The following TACO1 variants were observed in gnomAD, a reference collection of about 807,000 sequenced individuals.
The protein encoded by TACO1 is translational activator of cytochrome c oxidase 1.
In TACO1, 13 loss-of-function variants were observed where a neutral mutation model predicts 24.0. That is an observed-to-expected ratio of 0.54 (90% confidence interval 0.35 to 0.86). The LOEUF (loss-of-function observed/expected upper bound fraction) is 0.86. Among genes scored for constraint, TACO1 ranks in the 40% least tolerant of loss-of-function variants. TACO1 has a pLI of 0.01. For missense variants in TACO1, 352 were observed against 380.1 expected, an observed-to-expected ratio of 0.93 and a Z score of 0.61; for synonymous variants, 149 against 153.5, an observed-to-expected ratio of 0.97 and a Z score of 0.22.
rs1379951031 is a variant in TACO1 at position 63,607,308 on chromosome 17, T to G, written c.537T>G (p.Ala179=). ...TCAGAGGAGTGATGGCTGTAGGAGC[T>G]CGTCACTCTTTTGACAAAAAGGGGG... ...NKNGGVMAVG[A]RHSFDKKGVI... is the part of the protein sequence containing the mutation. The change falls in exon 4 of 5, where the codon GCT becomes GCG. Residue 179 remains alanine, a synonymous_variant. Transcript: ENST00000258975. The G allele has an allele frequency of 1.9e-6, 3 of 1,613,850 alleles. No homozygotes were observed. The East Asian group carries it at 6.7e-5, about 36-fold the overall frequency.
rs773838513 is a variant in TACO1 at position 63,604,590 on chromosome 17, C to A, written c.337C>A (p.Arg113Ser). ...CCTGGCCAATATCTTAGAGGTGTGT[C>A]GCAGCAAACATATGCCCAAGTCAAC... The part of the protein sequence containing the change: ...SNLANILEVC[R>S]SKHMPKSTIE... The change falls in exon 2 of 5, where the codon CGC (arginine) becomes AGC (serine). Residue 113 changes from arginine to serine, a missense_variant. Physicochemically the swap from Arg to Ser is moderately radical, Grantham distance 110. Coordinates refer to ENST00000258975, the MANE Select transcript of TACO1 (RefSeq NM_016360.4). 6.2e-7 allele frequency: 1 copy of A among 1,613,924 alleles called. No individual in the cohort carries two copies. The highest frequency in any genetic ancestry group is 1.3e-5 in the African/African-American group (1 of 74,860).
At position 63,605,419 on chromosome 17, in the gene TACO1, T is replaced by C. The variant is rs9900641; in HGVS notation, c.387+779T>C. On this transcript the variant is annotated intron_variant, in intron 2 of 4. Transcript: ENST00000258975. ...GGAGGCTCTGAGGAAGTAATAGTTA[T>C]CTTAATAGCTCAAAATTATTGAGTG... 4.7e-3 allele frequency among the ~76,000 whole-genome samples: 712 copies of C among 152,240 alleles called. 12 individuals are homozygous for C. The highest frequency in any genetic ancestry group is 0.015 in the African/African-American group (639 of 41,524).
At position 63,604,611 on chromosome 17, in the gene TACO1, T is replaced by A; in HGVS notation, c.358T>A (p.Ser120Thr). 6.2e-7 allele frequency: 1 copy of A among 1,614,066 alleles called. No individual in the cohort carries two copies. The highest frequency in any genetic ancestry group is 8.5e-7 in the Non-Finnish European group (1 of 1,179,996). Residue 120 changes from serine to threonine, a missense_variant, in exon 2 of 5, where the codon TCA becomes ACA. Coordinates refer to ENST00000258975, the MANE Select transcript of TACO1 (RefSeq NM_016360.4). ...EVCRSKHMPK[S>T]TIETALKMEK... The stretch of plus-strand genomic sequence containing the variant: ...GTGTCGCAGCAAACATATGCCCAAG[T>A]CAACGATTGAGACAGCACTGAAAAT...
intron 3 of TACO1, 128 bp downstream of exon 3, chr17:63,606,568 G>A (rs2033864036): frequency 1.7e-5 from 20 of 1,201,796 alleles, no homozygotes; most frequent in Middle Eastern, 2.0e-4. Flanking sequence ...TTTTTGAGAC[G>A]GAGTCTCACT....
At chr17:63,605,014 A>C (rs1193520551) in intron 2 of TACO1, among the ~76,000 whole-genome samples, 8 of 139,602 alleles carry the variant, frequency 5.7e-5, no homozygotes, top group Admixed American at 5.7e-4. Context: ...ACTCTGTCTC[A>C]AAAAAAAAAA....
chr17:63,602,090 C>CAAAAAA (rs11288092), intron 1 of TACO1, among the ~76,000 whole-genome samples: 13 of 84,180 alleles, frequency 1.5e-4, no homozygotes, highest in South Asian at 4.3e-4. Context: ...CTAAAAATAA[C>CAAAAAA]AAAAAAAAAA....
At position 63,601,435 on chromosome 17, in the gene TACO1, G is replaced by A; in HGVS notation, c.280+72G>A. 3.2e-6 allele frequency: 5 copies of A among 1,542,086 alleles called. No individual in the cohort carries two copies. The Admixed American group carries it at 5.3e-5, about 16-fold the overall frequency. ...GTGCCCGCAGCCTCGCTTGCCTCTC[G>A]GAATTGGGCCCACCTAGATCTCCGG... On this transcript the variant is annotated intron_variant, in intron 1 of 4. Transcript: ENST00000258975.
intron 1 of TACO1, among the ~76,000 whole-genome samples, chr17:63,601,918 A>G (rs1011641223): frequency 1.3e-5 from 2 of 151,898 alleles, no homozygotes; most frequent in African/African-American, 4.8e-5. Context: ...TTTTCTGTTT[A>G]GGGCCAGACA....
Position 63,600,926 on chromosome 17 carries a change from C to A in TACO1, c.-158C>A. Reference sequence around the variant, plus strand: ...GGGTGCCGCGGGGACAGTGTAGGGTCATTAGCTGTTGAGCCGCCCCGGGCG... The same window carrying A: ...GGGTGCCGCGGGGACAGTGTAGGGTAATTAGCTGTTGAGCCGCCCCGGGCG... On this transcript the variant is annotated 5_prime_UTR_variant, in exon 1 of 5. Transcript: ENST00000258975. 1 of 762,982 alleles carries A rather than the reference C, an allele frequency of 1.3e-6. No individual in the cohort carries two copies. The highest frequency in any genetic ancestry group is 2.1e-6 in the Non-Finnish European group (1 of 468,718). 47.3% of individuals were successfully genotyped at this position (762,982 alleles called of 1,614,324 possible).
In TACO1 at chr17:63,603,431, C is replaced by G. The variant is rs183725032; in HGVS notation, c.281-1103C>G. 1.9e-4 allele frequency among the ~76,000 whole-genome samples: 29 copies of G among 152,220 alleles called. No individual in the cohort carries two copies. The East Asian group carries it at 5.6e-3, about 29-fold the overall frequency. ...AATGAATTAGAAAGTTCTGGCCAGG[C>G]ACGGTGCCTCATGCCTGTAACCCCA... On this transcript the variant is annotated intron_variant, in intron 1 of 4. Coordinates refer to ENST00000258975, the MANE Select transcript of TACO1 (RefSeq NM_016360.4).
In TACO1 at chr17:63,608,058, A is replaced by G. The variant is rs2033877640; in HGVS notation, c.*56A>G. 6.3e-7 allele frequency: 1 copy of G among 1,587,810 alleles called. No individual in the cohort carries two copies. Among genetic ancestry groups the G allele is most frequent in the South Asian group, 1.1e-5 (1 of 90,022 alleles). ...TAGAAATGTGGCAGCCCATTCCAGC[A>G]CACAGGCTTCTGCAGCAATCTCTGA... On this transcript the variant is annotated 3_prime_UTR_variant, in exon 5 of 5. Coordinates refer to ENST00000258975, the MANE Select transcript of TACO1 (RefSeq NM_016360.4).
chr17:63,601,393 C>T (rs1218270401), intron 1 of TACO1, 30 bp downstream of exon 1: 8 of 1,608,064 alleles, frequency 5.0e-6, no homozygotes, highest in Non-Finnish European at 5.1e-6. Flanking sequence ...CCAGCACTGG[C>T]TGCCGCTGCC....
Position 63,601,295 on chromosome 17 carries a change from G to C in TACO1, c.212G>C (p.Gly71Ala), listed in dbSNP as rs886053233. 1.2e-6 allele frequency: 2 copies of C among 1,613,028 alleles called. No individual in the cohort carries two copies. Among genetic ancestry groups the C allele is most frequent in the East Asian group, 4.5e-5 (2 of 44,868 alleles). Residue 71 changes from glycine to alanine, a missense_variant, in exon 1 of 5, where the codon GGT becomes GCT. Physicochemically the swap from Gly to Ala is moderately conservative, Grantham distance 60 (BLOSUM62 0). Transcript: ENST00000258975. The stretch of plus-strand genomic sequence containing the variant: ...TGGTCCAAAGTCAGGCACATCAAGG[G>C]TCCGAAGGACGTCGAAAGGAGTCGC... ...NKWSKVRHIK[G>A]PKDVERSRIF...
chr17:63,606,723 T>G (rs1480726524), intron 3 of TACO1: 2 of 434,250 alleles, frequency 4.6e-6, no homozygotes, highest in Non-Finnish European at 8.6e-6. Flanking sequence ...TTTTTGTATT[T>G]TTAGTAGAGG....
chr17:63,607,651 A>T (rs2033873234), intron 4 of TACO1, 151 bp from the exon 5 acceptor site: 1 of 951,356 alleles, frequency 1.1e-6, no homozygotes, highest in Non-Finnish European at 1.6e-6. Flanking sequence ...AGAAAGAAAG[A>T]GTCAAAACAT....
At chr17:63,602,369 G>A (rs1356477487) in intron 1 of TACO1, among the ~76,000 whole-genome samples, 1 of 151,782 alleles carries the variant, frequency 6.6e-6, no homozygotes, top group East Asian at 1.9e-4. Context: ...GAGTTTCTCT[G>A]AAACAAGGAT....
At chr17:63,601,478 C>T (rs2147786300) in intron 1 of TACO1, 115 bp downstream of exon 1, 2 of 1,183,210 alleles carry the variant, frequency 1.7e-6, no homozygotes, top group East Asian at 2.5e-5. Context: ...CTTTGTTTTC[C>T]TTCCCCAGTA....
At chr17:63,607,513 T>C (rs1326002928) in intron 4 of TACO1, 49 bp downstream of exon 4, 1 of 1,592,522 alleles carries the variant, frequency 6.3e-7, no homozygotes, top group Admixed American at 1.7e-5. Flanking sequence ...AGGACCCTGA[T>C]AGATGCCTTA....
In TACO1 at chr17:63,606,447, G is replaced by C. The variant is rs372315876; in HGVS notation, c.515+7G>C. 1 of 1,614,144 alleles carries C rather than the reference G, an allele frequency of 6.2e-7. No individual in the cohort carries two copies. The highest frequency in any genetic ancestry group is 2.2e-5 in the East Asian group (1 of 44,888). On this transcript the variant is annotated splice_region_variant and intron_variant, in intron 3 of 4. Coordinates refer to ENST00000258975, the MANE Select transcript of TACO1 (RefSeq NM_016360.4). ...ATATCCTGAATAAGAATGGGTAAGT[G>C]TGCGTCTGGGAGGAGTGGTAGGGGA...
Sources: allele counts gnomAD v4.1 joint callset (sites outside exome capture counted in the v4.1 genomes callset), GRCh38; gene constraint gnomAD v4.1.1; transcripts MANE v1.5; gene names NCBI Gene and HGNC (gene_info 2026-07-23, HGNC 2026-07-21).